Variants in RAD54L observed in about 807,000 individuals in gnomAD.
RAD54L encodes DNA repair and recombination protein RAD54-like.
A neutral mutation model predicts 91.6 loss-of-function variants in RAD54L; 74 were observed. That is an observed-to-expected ratio of 0.81 (90% confidence interval 0.67 to 0.98). The LOEUF is 0.98. Among genes scored for constraint, RAD54L ranks in the 50% least tolerant of loss-of-function variants. The pLI is 0.00. For synonymous variants in RAD54L, 304 were observed against 349.7 expected (o/e 0.87, Z 1.46); for missense variants, 887 against 945.7 (o/e 0.94, Z 0.81).
Position 46,270,689 on chromosome 1 carries a change from A to G in RAD54L, c.1073A>G (p.Glu358Gly). The change falls in exon 10 of 18, where the codon GAA (glutamate) becomes GGA (glycine). Residue 358 changes from glutamate (E) to glycine (G), a missense_variant. By Grantham distance (98) the Glu-to-Gly change is moderately conservative. Coordinates refer to ENST00000371975, the MANE Select transcript of RAD54L (RefSeq NM_003579.4). ...GCCCATGAATTCAAGAAGCATTTTG[A>G]ATTGCCAATTTTGAAGGGTCGAGAC... The part of the protein sequence containing the change: ...GTAHEFKKHF[E>G]LPILKGRDAA... 14 of 1,614,124 alleles carry G rather than the reference A, an allele frequency of 8.7e-6. No homozygotes were observed. The highest frequency in any genetic ancestry group is 1.2e-5 in the Non-Finnish European group (14 of 1,180,010).
intron 9 of RAD54L, among the ~76,000 whole-genome samples, chr1:46,268,735 T>A (rs1660335102): frequency 1.3e-5 from 2 of 152,260 alleles, no homozygotes; most frequent in Non-Finnish European, 2.9e-5. Flanking sequence ...TTGCATACTA[T>A]TGCATGTTAT....
At chr1:46,270,415 A>G (rs1460740200) in intron 9 of RAD54L, among the ~76,000 whole-genome samples, 1 of 152,022 alleles carries the variant, frequency 6.6e-6, no homozygotes, top group Non-Finnish European at 1.5e-5. Context: ...GGACTATTCA[A>G]TCCATTTACA....
In RAD54L at chr1:46,273,646, T is replaced by C. The variant is rs928067636; in HGVS notation, c.1509T>C (p.Tyr503=). 1 of 1,613,894 alleles carries C rather than the reference T, an allele frequency of 6.2e-7. No homozygotes were observed. The highest frequency in any genetic ancestry group is 8.5e-7 in the Non-Finnish European group (1 of 1,180,026). ...CAGGTAAGATGCTGGTCCTGGATTATATTCTGGCGGTGACCCGAAGCCGTA... is the reference window on the plus strand; with the variant it reads ...CAGGTAAGATGCTGGTCCTGGATTACATTCTGGCGGTGACCCGAAGCCGTA... ...QLSGKMLVLD[Y]ILAVTRSRSS... Residue 503 remains tyrosine, a synonymous_variant, in exon 14 of 18, where the codon TAT becomes TAC. Coordinates refer to ENST00000371975, the MANE Select transcript of RAD54L (RefSeq NM_003579.4).
At chr1:46,260,399 C>G (rs1427245496) in intron 5 of RAD54L, 143 bp from the exon 6 acceptor site, 1 of 949,024 alleles carries the variant, frequency 1.1e-6, no homozygotes, top group Non-Finnish European at 1.7e-6. Context: ...TAGGAACTTG[C>G]TATGGTTTTA....
Position 46,248,349 on chromosome 1 carries a change from G to T in RAD54L, c.-57G>T. On this transcript the variant is annotated 5_prime_UTR_variant, in exon 1 of 18. Transcript: ENST00000371975. ...CCCTGGTCCTACACTCTTAGCCGCT[G>T]CCTGCTTTTGACCTTTGGCTCATGG... The T allele has an allele frequency of 3.7e-6, 6 of 1,609,896 alleles. No individual in the cohort carries two copies. The highest frequency in any genetic ancestry group is 5.1e-6 in the Non-Finnish European group (6 of 1,177,898).
At chr1:46,259,250 A>G (rs1170072043) in intron 4 of RAD54L, among the ~76,000 whole-genome samples, 1 of 151,652 alleles carries the variant, frequency 6.6e-6, no homozygotes, top group Non-Finnish European at 1.5e-5. Context: ...CCTGGGCTCA[A>G]GCGATCCTCC....
intron 15 of RAD54L, 68 bp downstream of exon 15, chr1:46,274,284 C>T: frequency 2.0e-6 from 3 of 1,502,920 alleles, no homozygotes; most frequent in Non-Finnish European, 2.8e-6. Context: ...GATAGAGAAG[C>T]TATAAGGGGT....
At position 46,251,582 on chromosome 1, in the gene RAD54L, A is replaced by G. The variant is rs28363199; in HGVS notation, c.210+1463A>G. Among the ~76,000 whole-genome samples, 205 of 152,242 alleles carry G rather than the reference A, an allele frequency of 1.3e-3. 1 individual carries two copies. The highest frequency in any genetic ancestry group is 4.8e-3 in the African/African-American group (201 of 41,556). On this transcript the variant is annotated intron_variant, in intron 3 of 17. Transcript: ENST00000371975. ...GACCACCTCAAAAAAAAAATCACTA[A>G]TACATTGTTTAATTGGTTCTTTGAA...
At chr1:46,277,359 T>C (rs1280008802) in intron 16 of RAD54L, 2 of 229,638 alleles carry the variant, frequency 8.7e-6, no homozygotes, top group African/African-American at 2.3e-5. Context: ...CCTGTATAGA[T>C]TTCTATCATT....
chr1:46,260,392 G>T, intron 5 of RAD54L, 150 bp from the exon 6 acceptor site: 1 of 910,074 alleles, frequency 1.1e-6, no homozygotes, highest in East Asian at 2.5e-5. Context: ...CCTAAAGTAG[G>T]AACTTGCTAT....
At chr1:46,273,858 C>G in intron 14 of RAD54L, 111 bp downstream of exon 14, 1 of 1,432,832 alleles carries the variant, frequency 7.0e-7, no homozygotes, top group South Asian at 1.2e-5. Flanking sequence ...AGGGCTTTCC[C>G]TGGAGATATC....
chr1:46,269,547 A>G (rs1660363189), intron 9 of RAD54L, among the ~76,000 whole-genome samples: 1 of 151,988 alleles, frequency 6.6e-6, no homozygotes, highest in Admixed American at 6.6e-5. Flanking sequence ...AGCTCAAGCA[A>G]TCTGCTCAGC....
chr1:46,272,759 G>A lies in RAD54L; in HGVS notation c.1332G>A (p.Val444=), dbSNP rs1660471226. The change falls in exon 12 of 18, where the codon GTG becomes GTA. Residue 444 remains valine, a synonymous_variant. Transcript: ENST00000371975. ...AEELLEGKMS[V]SSLSSITSLK... ...AATTGCTTGAGGGCAAGATGAGTGT[G>A]TCTTCCCTTTCTTCCATCACCTCGC... 6.2e-7 allele frequency: 1 copy of A among 1,614,078 alleles called. No homozygotes were observed. The highest frequency in any genetic ancestry group is 1.3e-5 in the African/African-American group (1 of 74,926).
chr1:46,250,974 A>AC (rs913257452), intron 3 of RAD54L, among the ~76,000 whole-genome samples: 26 of 150,878 alleles, frequency 1.7e-4, no homozygotes, highest in African/African-American at 5.9e-4. Flanking sequence ...GTCTCAAAAA[A>AC]AAAAAACAAA....
chr1:46,266,101 G>A (rs1660260026), intron 8 of RAD54L, among the ~76,000 whole-genome samples: 1 of 152,224 alleles, frequency 6.6e-6, no homozygotes, highest in Admixed American at 6.5e-5. Context: ...CATAGGAGGT[G>A]ACATCTGAGG....
At chr1:46,253,709 A>G (rs1376877469) in intron 3 of RAD54L, among the ~76,000 whole-genome samples, 1 of 130,506 alleles carries the variant, frequency 7.7e-6, no homozygotes. Flanking sequence ...ACAGTGATAT[A>G]CTTAGGTACT....
intron 9 of RAD54L, among the ~76,000 whole-genome samples, chr1:46,268,590 T>G (rs974664594): frequency 6.6e-6 from 1 of 152,232 alleles, no homozygotes; most frequent in Non-Finnish European, 1.5e-5. Flanking sequence ...ACACTATAGG[T>G]TGGTTTTGCC....
At chr1:46,250,988 C>CA (rs1405129933) in intron 3 of RAD54L, among the ~76,000 whole-genome samples, 1 of 143,046 alleles carries the variant, frequency 7.0e-6, no homozygotes, top group Admixed American at 7.0e-5. Context: ...AAACAAAAAA[C>CA]AAAAAACAAA....
In RAD54L at chr1:46,259,973, G is replaced by C. The variant is rs771339264; in HGVS notation, c.281G>C (p.Gly94Ala). 4.6e-5 allele frequency: 74 copies of C among 1,613,966 alleles called. No homozygotes were observed. Among genetic ancestry groups the C allele is most frequent in the Non-Finnish European group, 6.0e-5 (71 of 1,180,032 alleles). Residue 94 changes from glycine (G) to alanine (A), a missense_variant, in exon 5 of 18, where the codon GGC (glycine) becomes GCC (alanine). By Grantham distance (60) the Gly-to-Ala change is moderately conservative. Coordinates refer to ENST00000371975, the MANE Select transcript of RAD54L (RefSeq NM_003579.4). ...GATTATTGGTTTGTAGGTCCTCTGGGCTCTCGAGCATTGGGCCTGAAAAGG... is the reference window on the plus strand; with the variant it reads ...GATTATTGGTTTGTAGGTCCTCTGGCCTCTCGAGCATTGGGCCTGAAAAGG... ...VPIPNYQGPL[G>A]SRALGLKRAG... is the part of the protein sequence containing the mutation.
Sources: allele counts gnomAD v4.1 joint callset (sites outside exome capture counted in the v4.1 genomes callset), GRCh38; gene constraint gnomAD v4.1.1; transcripts MANE v1.5; gene names NCBI Gene and HGNC (gene_info 2026-07-23, HGNC 2026-07-21).